The following METTL22 variants were observed in gnomAD, a reference collection of about 807,000 sequenced individuals.
The protein encoded by METTL22 is methyltransferase-like protein 22.
A neutral mutation model predicts 48.4 loss-of-function variants in METTL22; 51 were observed. The ratio of observed to expected loss-of-function variants is 1.05; its 90% CI spans 0.84 to 1.33. The LOEUF (loss-of-function observed/expected upper bound fraction) is 1.33, where lower values mean the gene tolerates loss of function less well. Among genes scored for constraint, METTL22 ranks in the 40% most tolerant of loss-of-function variants. The pLI is 0.00. For synonymous variants in METTL22, 255 were observed against 214.1 expected (o/e 1.19, Z -1.67); for missense variants, 678 against 526.9 (o/e 1.29, Z -2.81).
In METTL22 at chr16:8,647,108, C is replaced by T. The variant is rs888445001; in HGVS notation, c.*965C>T. 2.5e-5 allele frequency: 6 copies of T among 238,718 alleles called. No individual in the cohort carries two copies. The highest frequency in any genetic ancestry group is 4.2e-5 in the Non-Finnish European group (5 of 119,414). The allele number at this position is 238,718 out of a possible 1,614,324, so 14.8% of individuals were successfully genotyped here. A position where few individuals can be genotyped will look rare whatever the true frequency, so the allele number is the denominator to read the frequency against. ...CTCCCTTGCAGCTCAGGTTTCCTGG[C>T]TTCTCCATGCACTGTCCCTGCCCAC... On this transcript the variant is annotated 3_prime_UTR_variant, in exon 11 of 11. Transcript: ENST00000381920.
the METTL22 span, among the ~76,000 whole-genome samples, chr16:8,659,929 T>C: frequency 1.3e-5 from 2 of 152,132 alleles, no homozygotes; most frequent in Non-Finnish European, 2.9e-5. Context: ...TCTCACTATG[T>C]TGCCCAGGCT....
At chr16:8,660,585 T>A in the METTL22 span, among the ~76,000 whole-genome samples, 1 of 151,948 alleles carries the variant, frequency 6.6e-6, no homozygotes, top group African/African-American at 2.4e-5. Context: ...CCCTCATTAG[T>A]AAAGTAAATA....
At chr16:8,624,397 G>T (rs1376309650) in intron 1 of METTL22, among the ~76,000 whole-genome samples, 1 of 150,440 alleles carries the variant, frequency 6.6e-6, no homozygotes, top group East Asian at 1.9e-4. Flanking sequence ...TTTTGAGACA[G>T]GGTCTTGCTC....
intron 5 of METTL22, among the ~76,000 whole-genome samples, chr16:8,636,586 T>C (rs1332106695): frequency 6.6e-6 from 1 of 151,744 alleles, no homozygotes; most frequent in Non-Finnish European, 1.5e-5. Context: ...TTTCATCTTC[T>C]TTGTAACCCT....
At chr16:8,642,642 C>T (rs1618219) in intron 9 of METTL22, 77 bp downstream of exon 9, 1,351,579 of 1,355,020 alleles carry the variant, frequency 1, 674,150 homozygotes, top group East Asian at 1. Flanking sequence ...GTGTCCTTGT[C>T]AGTGTCATTA....
chr16:8,644,568 C>T lies in METTL22; in HGVS notation c.1022C>T (p.Thr341Ile). The T allele has an allele frequency of 1.3e-6, 2 of 1,564,222 alleles. No homozygotes were observed. The highest frequency in any genetic ancestry group is 1.7e-6 in the Non-Finnish European group (2 of 1,151,662). The change falls in exon 10 of 11, where the codon ACA becomes ATA. Residue 341 changes from threonine (T) to isoleucine (I), a missense_variant. Physicochemically the swap from Thr to Ile is moderately conservative, Grantham distance 89. Transcript: ENST00000381920. ...TGGCTGGTTTGCAGGCTCAACTTCA[C>T]ATTGAGACACTTGGACGTCACATGT... ...ILSVEKRLNF[T>I]LRHLDVTCEA...
the METTL22 span, among the ~76,000 whole-genome samples, chr16:8,661,962 G>T: frequency 6.9e-6 from 1 of 145,314 alleles, no homozygotes; most frequent in South Asian, 2.2e-4. Flanking sequence ...AGCAAGAATG[G>T]GCTTGGCATG....
chr16:8,654,043 T>A (rs2056932062), downstream of METTL22, among the ~76,000 whole-genome samples: 1 of 152,050 alleles, frequency 6.6e-6, no homozygotes, highest in South Asian at 2.1e-4. Flanking sequence ...AAAAACAGGC[T>A]CAAGCAAAAT....
the METTL22 span, among the ~76,000 whole-genome samples, chr16:8,666,290 C>A: frequency 6.6e-6 from 1 of 152,108 alleles, no homozygotes; most frequent in Non-Finnish European, 1.5e-5. Flanking sequence ...TGTGCCGGCT[C>A]CCAGTGTTCC....
intron 8 of METTL22, 59 bp from the exon 9 acceptor site, chr16:8,642,404 G>A: frequency 6.5e-7 from 1 of 1,537,534 alleles, no homozygotes; most frequent in Non-Finnish European, 9.0e-7. Context: ...GCTCTGAAAA[G>A]TCGATTTCTG....
At position 8,625,609 on chromosome 16, in the gene METTL22, G is replaced by A. The variant is rs1349509799; in HGVS notation, c.-57G>A. 1 of 1,598,120 alleles carries A rather than the reference G, an allele frequency of 6.3e-7. No individual in the cohort carries two copies. Among genetic ancestry groups the A allele is most frequent in the Non-Finnish European group, 8.6e-7 (1 of 1,169,448 alleles). On this transcript the variant is annotated 5_prime_UTR_variant, in exon 2 of 11. Coordinates refer to ENST00000381920, the MANE Select transcript of METTL22 (RefSeq NM_024109.4). ...TCTCCTCTGGGACCTGCCATGCTGA[G>A]GACCCATTCTCACCTCTGAGGGACT...
At chr16:8,657,824 C>CTTTTCTTTTTTTTTTTTTTTTTT in the METTL22 span, among the ~76,000 whole-genome samples, 1 of 137,434 alleles carries the variant, frequency 7.3e-6, no homozygotes, top group African/African-American at 2.9e-5. Flanking sequence ...TCTTTTCTTT[C>CTTTTCTTTTTTTTTTTTTTTTTT]TTTTTTTTTT....
chr16:8,654,744 C>A, the METTL22 span, among the ~76,000 whole-genome samples: 1 of 152,156 alleles, frequency 6.6e-6, no homozygotes, highest in Non-Finnish European at 1.5e-5. Flanking sequence ...GCTTGGTGCT[C>A]CTCCAACTGA....
chr16:8,649,527 C>CT lies in METTL22; in HGVS notation c.*3384_*3385insT, dbSNP rs2056861354. On this transcript the variant is annotated 3_prime_UTR_variant, in exon 11 of 11. Transcript: ENST00000381920. ...ACCAACAAAGCCAGGCACAGTGGCT[C>CT]ACACCTGTAATTCCAGCATTTTGGG... 1 of 152,076 alleles carries CT rather than the reference C, an allele frequency of 6.6e-6. No homozygotes were observed. The highest frequency in any genetic ancestry group is 6.6e-5 in the Admixed American group (1 of 15,258). 9.4% of individuals were successfully genotyped at this position (152,076 alleles called of 1,614,324 possible).
chr16:8,626,789 C>CAG (rs1170218610), intron 2 of METTL22, among the ~76,000 whole-genome samples: 81 of 63,696 alleles, frequency 1.3e-3, no homozygotes, highest in African/African-American at 4.8e-3. Context: ...TTTTTTGAGG[C>CAG]AGTCTCGCTC....
chr16:8,632,816 C>T (rs1731053), intron 3 of METTL22, among the ~76,000 whole-genome samples: 150,446 of 152,352 alleles, frequency 0.99, 74,316 homozygotes, highest in Middle Eastern at 1. Flanking sequence ...GGTTGTCATA[C>T]AGGTCTCTGA....
At position 8,625,616 on chromosome 16, in the gene METTL22, T is replaced by C; in HGVS notation, c.-50T>C. 6.2e-7 allele frequency: 1 copy of C among 1,607,994 alleles called. No homozygotes were observed. Among genetic ancestry groups the C allele is most frequent in the Non-Finnish European group, 8.5e-7 (1 of 1,176,664 alleles). The stretch of plus-strand genomic sequence containing the variant: ...TGGGACCTGCCATGCTGAGGACCCA[T>C]TCTCACCTCTGAGGGACTCCTGTCC... On this transcript the variant is annotated 5_prime_UTR_variant, in exon 2 of 11. Transcript: ENST00000381920.
intron 8 of METTL22, 101 bp from the exon 9 acceptor site, chr16:8,642,362 C>A: frequency 7.7e-7 from 1 of 1,295,924 alleles, no homozygotes; most frequent in Non-Finnish European, 1.1e-6. Context: ...TGCTGCTGTT[C>A]CGTGGTGATA....
At chr16:8,663,818 T>C in the METTL22 span, among the ~76,000 whole-genome samples, 1 of 152,144 alleles carries the variant, frequency 6.6e-6, no homozygotes, top group Non-Finnish European at 1.5e-5. Flanking sequence ...GGAGTTACAC[T>C]AGAGTGAGGT....
Sources: gnomAD v4.1 joint callset for allele counts (sites outside exome capture counted in the v4.1 genomes callset) on GRCh38, gnomAD v4.1.1 for gene constraint, MANE v1.5 for transcripts, NCBI Gene and HGNC (gene_info 2026-07-23, HGNC 2026-07-21) for gene names.